The following PAIP2 variants were observed in gnomAD, a reference collection of about 807,000 sequenced individuals.
PAIP2 encodes polyadenylate-binding protein-interacting protein 2.
In PAIP2, 7 loss-of-function variants were observed where a neutral mutation model predicts 14.8. That is an observed-to-expected ratio of 0.47 (90% CI 0.27 to 0.89). The LOEUF is 0.89. Among genes scored for constraint, PAIP2 ranks in the 40% least tolerant of loss-of-function variants. The pLI is 0.13. For missense variants in PAIP2, 122 were observed against 154.7 expected, an observed-to-expected ratio of 0.79 and a Z score of 1.12; for synonymous variants, 47 against 45.3, an observed-to-expected ratio of 1.04 and a Z score of -0.15.
At chr5:139,352,408 A>G (rs1475350791) in intron 1 of PAIP2, among the ~76,000 whole-genome samples, 1 of 151,734 alleles carries the variant, frequency 6.6e-6, no homozygotes, top group Non-Finnish European at 1.5e-5. Flanking sequence ...AGGGTTTTAA[A>G]GCATAACATG....
intron 1 of PAIP2, among the ~76,000 whole-genome samples, chr5:139,351,424 AAAGTGAAGTATACCAAT>A (rs1464726024): frequency 6.6e-6 from 1 of 152,194 alleles, no homozygotes; most frequent in Non-Finnish European, 1.5e-5. Flanking sequence ...TATCCATTAA[AAAGTGAAGTATACCAAT>A]ACCTGTTGAC....
intron 1 of PAIP2, among the ~76,000 whole-genome samples, chr5:139,349,966 C>T (rs908606122): frequency 6.6e-6 from 1 of 151,994 alleles, no homozygotes; most frequent in Admixed American, 6.6e-5. Flanking sequence ...TGCGCCACTA[C>T]ACTCCAGCCT....
chr5:139,364,891 TC>T (rs1757170231), intron 3 of PAIP2, 148 bp downstream of exon 3: 1 of 552,406 alleles, frequency 1.8e-6, no homozygotes, highest in Non-Finnish European at 3.1e-6. Flanking sequence ...ACGCCTGTAA[TC>T]CCAGCACTTT....
intron 1 of PAIP2, among the ~76,000 whole-genome samples, chr5:139,345,105 G>A (rs1171290862): frequency 6.6e-6 from 1 of 152,000 alleles, no homozygotes; most frequent in Non-Finnish European, 1.5e-5. Flanking sequence ...GAGTGCAGTG[G>A]CGCGATCTCG....
intron 1 of PAIP2, among the ~76,000 whole-genome samples, chr5:139,345,160 C>T (rs1756500063): frequency 1.3e-5 from 2 of 152,070 alleles, no homozygotes; most frequent in African/African-American, 2.4e-5. Flanking sequence ...ATTCTTCTGC[C>T]TCAGCCTCCT....
At chr5:139,345,379 T>C (rs910325407) in intron 1 of PAIP2, among the ~76,000 whole-genome samples, 24 of 152,030 alleles carry the variant, frequency 1.6e-4, no homozygotes, top group Non-Finnish European at 1.2e-4. Context: ...CTGTGCCAAA[T>C]AGTAAAACAA....
chr5:139,367,934 T>A (rs886288185), intron 3 of PAIP2, among the ~76,000 whole-genome samples: 3 of 152,252 alleles, frequency 2.0e-5, no homozygotes, highest in Non-Finnish European at 4.4e-5. Context: ...CCGGGTGCAG[T>A]GGCTCACGCC....
chr5:139,361,173 A>G (rs1407785420), intron 1 of PAIP2, among the ~76,000 whole-genome samples: 1 of 151,888 alleles, frequency 6.6e-6, no homozygotes, highest in African/African-American at 2.4e-5. Context: ...AATTTTCACC[A>G]CTATGATCCT....
intron 1 of PAIP2, among the ~76,000 whole-genome samples, chr5:139,350,642 T>A (rs553281198): frequency 0.035 from 5,160 of 149,196 alleles, 90 homozygotes; most frequent in African/African-American, 0.048. Context: ...AAAAAATAAA[T>A]AAATAAATAA....
rs144090425 is a variant in PAIP2, at chr5:139,354,934, C to T, written c.-26-8825C>T. On this transcript the variant is annotated intron_variant, in intron 1 of 3. Transcript: ENST00000265192. ...CTCCAGGTTCAAGCGATACTCCTGG[C>T]TCAGCCTCCTGAGTAGCTGGGACTA... Among the ~76,000 whole-genome samples the T allele has an allele frequency of 2.7e-3, 415 of 151,476 alleles. 3 individuals are homozygous for T. Among genetic ancestry groups the T allele is most frequent in the African/African-American group, 9.2e-3 (381 of 41,212 alleles).
chr5:139,368,182 C>T (rs754454469), intron 3 of PAIP2, among the ~76,000 whole-genome samples: 1 of 152,086 alleles, frequency 6.6e-6, no homozygotes, highest in Non-Finnish European at 1.5e-5. Flanking sequence ...AAAAATACAA[C>T]AAAAAATTAG....
chr5:139,363,954 T>A (rs1171318443), intron 2 of PAIP2, 32 bp downstream of exon 2: 1 of 1,593,804 alleles, frequency 6.3e-7, no homozygotes, highest in Non-Finnish European at 8.6e-7. Context: ...GTTTTTATAG[T>A]CCATTCTGGC....
intron 1 of PAIP2, among the ~76,000 whole-genome samples, chr5:139,350,579 C>T (rs1419201385): frequency 6.6e-6 from 1 of 150,474 alleles, no homozygotes; most frequent in Non-Finnish European, 1.5e-5. Context: ...TGCAGTGAGC[C>T]GAGATTGTGC....
At chr5:139,347,482 C>G (rs778296694) in intron 1 of PAIP2, among the ~76,000 whole-genome samples, 1 of 151,748 alleles carries the variant, frequency 6.6e-6, no homozygotes, top group Admixed American at 6.6e-5. Context: ...CCATATTGGC[C>G]GGGCTTTTCT....
chr5:139,355,877 G>A (rs1271704237), intron 1 of PAIP2, among the ~76,000 whole-genome samples: 3 of 149,970 alleles, frequency 2.0e-5, no homozygotes, highest in East Asian at 4.0e-4. Context: ...TAGGCTGGGC[G>A]TGGTGGCTCA....
chr5:139,359,191 C>T (rs1757001073), intron 1 of PAIP2, among the ~76,000 whole-genome samples: 1 of 152,138 alleles, frequency 6.6e-6, no homozygotes, highest in Non-Finnish European at 1.5e-5. Context: ...CTGGAGAGTG[C>T]AGTGGCGCGA....
chr5:139,360,579 A>G (rs950536618), intron 1 of PAIP2, among the ~76,000 whole-genome samples: 1 of 150,680 alleles, frequency 6.6e-6, no homozygotes, highest in African/African-American at 2.4e-5. Context: ...TGCAACCTCC[A>G]CCTCCCAGGG....
intron 1 of PAIP2, among the ~76,000 whole-genome samples, chr5:139,361,444 A>G (rs754142679): frequency 6.6e-6 from 1 of 152,172 alleles, no homozygotes; most frequent in Non-Finnish European, 1.5e-5. Context: ...ACAAGTCACT[A>G]TACTGCTTGA....
intron 3 of PAIP2, 181 bp downstream of exon 3, chr5:139,364,924 G>T (rs1581322811): frequency 4.4e-6 from 2 of 452,346 alleles, no homozygotes; most frequent in East Asian, 7.6e-5. Context: ...GCAGGCAGTT[G>T]ACTTGAGGTC....
Sources: allele counts gnomAD v4.1 joint callset (sites outside exome capture counted in the v4.1 genomes callset), GRCh38; gene constraint gnomAD v4.1.1; transcripts MANE v1.5; gene names NCBI Gene and HGNC (gene_info 2026-07-23, HGNC 2026-07-21).